RAB11FIP3: variants seen among roughly 807,000 people sequenced by gnomAD.
RAB11FIP3 encodes RAB11 family interacting protein 3.
In RAB11FIP3, 17 loss-of-function variants were observed where a neutral mutation model predicts 77.8. That is an observed-to-expected ratio of 0.22 (90% confidence interval 0.15 to 0.33). The LOEUF is 0.33. Ranked by LOEUF, RAB11FIP3 falls within the 10% of genes least tolerant of loss-of-function variation. RAB11FIP3 has a pLI of 1.00. For synonymous variants in RAB11FIP3, 437 were observed against 448.2 expected (o/e 0.98, Z 0.31); for missense variants, 1,005 against 1,011.2 (o/e 0.99, Z 0.08).
chr16:440,429 C>T (rs2055206504), intron 1 of RAB11FIP3, among the ~76,000 whole-genome samples: 1 of 152,218 alleles, frequency 6.6e-6, no homozygotes, highest in Non-Finnish European at 1.5e-5. Context: ...CCTCGCTCAG[C>T]CCCTCTGCTG....
At chr16:483,072 T>C (rs2056079426) in intron 4 of RAB11FIP3, among the ~76,000 whole-genome samples, 1 of 152,170 alleles carries the variant, frequency 6.6e-6, no homozygotes, top group Non-Finnish European at 1.5e-5. Flanking sequence ...GCAGCACCCC[T>C]GAGGAGGCCA....
At chr16:449,888 T>G (rs2055378800) in intron 1 of RAB11FIP3, among the ~76,000 whole-genome samples, 1 of 151,110 alleles carries the variant, frequency 6.6e-6, no homozygotes, top group African/African-American at 2.4e-5. Context: ...GAAGCAGAGG[T>G]TGCAGTGAGC....
rs1412782934 is a variant in RAB11FIP3 at position 494,048 on chromosome 16, C to T, written c.1266-2776C>T. On this transcript the variant is annotated intron_variant, in intron 5 of 13. Coordinates refer to ENST00000262305, the MANE Select transcript of RAB11FIP3 (RefSeq NM_014700.4). ...CCTCCCGAGTAGCTGGGACTACAGG[C>T]GCCCATCACCACACCTGGCTAACTT... 1.8e-4 allele frequency among the ~76,000 whole-genome samples: 16 copies of T among 89,880 alleles called. No individual in the cohort carries two copies. The East Asian group carries it at 2.8e-3, about 16-fold the overall frequency. The allele number at this position is 89,880 out of a possible 152,430, so 59.0% of individuals were successfully genotyped here. A position where few individuals can be genotyped will look rare whatever the true frequency, so the allele number is the denominator to read the frequency against.
chr16:510,608 C>A, intron 8 of RAB11FIP3, 52 bp from the exon 9 acceptor site: 1 of 1,529,716 alleles, frequency 6.5e-7, no homozygotes, highest in Non-Finnish European at 8.8e-7. Context: ...ATGGGTGGAG[C>A]CACTGCACAC....
chr16:445,173 A>G (rs894077079), intron 1 of RAB11FIP3, among the ~76,000 whole-genome samples: 3 of 147,390 alleles, frequency 2.0e-5, no homozygotes, highest in Non-Finnish European at 4.5e-5. Flanking sequence ...TGGCTCACAC[A>G]TGTAATCCAA....
intron 5 of RAB11FIP3, 86 bp from the exon 6 acceptor site, chr16:496,738 T>C: frequency 7.4e-7 from 1 of 1,344,738 alleles, no homozygotes; most frequent in African/African-American, 1.8e-5. Context: ...GCCCACCTCG[T>C]ATCTCCACAG....
chr16:474,600 C>T (rs977451235), intron 3 of RAB11FIP3, among the ~76,000 whole-genome samples: 4 of 152,136 alleles, frequency 2.6e-5, no homozygotes, highest in Non-Finnish European at 5.9e-5. Flanking sequence ...AGGCGCATCT[C>T]ACAGAATCGT....
Position 486,845 on chromosome 16 carries a change from C to T in RAB11FIP3, c.1116-2006C>T, listed in dbSNP as rs115912880. Among the ~76,000 whole-genome samples the T allele has an allele frequency of 4.5e-3, 691 of 152,360 alleles. 6 individuals carry two copies. The highest frequency in any genetic ancestry group is 0.015 in the African/African-American group (626 of 41,592). On this transcript the variant is annotated intron_variant, in intron 4 of 13. Transcript: ENST00000262305. Reference sequence around the variant, plus strand: ...GCCCGGGGAGGCGGGGAAGGGCCTGCTGGCCGATGGACCAGTGTGTGTTTT... The same window carrying T: ...GCCCGGGGAGGCGGGGAAGGGCCTGTTGGCCGATGGACCAGTGTGTGTTTT...
intron 5 of RAB11FIP3, chr16:491,074 A>C (rs1319833888): frequency 7.9e-7 from 1 of 1,259,744 alleles, no homozygotes; most frequent in African/African-American, 1.5e-5. Context: ...CCTCGTGCGG[A>C]GTCACAGATG....
chr16:491,140 C>T (rs1162332033), intron 5 of RAB11FIP3: 2 of 1,302,030 alleles, frequency 1.5e-6, no homozygotes, highest in Non-Finnish European at 2.0e-6. Flanking sequence ...CTAGCACTGA[C>T]CCTCTTGCCG....
intron 9 of RAB11FIP3, among the ~76,000 whole-genome samples, chr16:513,161 A>C (rs370195579): frequency 6.6e-6 from 1 of 152,200 alleles, no homozygotes; most frequent in African/African-American, 2.4e-5. Context: ...AGAGTTCTCT[A>C]TCCTTCTTGT....
intron 9 of RAB11FIP3, among the ~76,000 whole-genome samples, chr16:511,667 G>A (rs2032176931): frequency 8.4e-6 from 1 of 118,740 alleles, no homozygotes; most frequent in Non-Finnish European, 1.7e-5. Context: ...AGAAACTGCA[G>A]GCCAGGCAGG....
At chr16:517,265 G>A (rs141473872) in intron 9 of RAB11FIP3, among the ~76,000 whole-genome samples, 1 of 152,166 alleles carries the variant, frequency 6.6e-6, no homozygotes, top group East Asian at 1.9e-4. Flanking sequence ...ACCAGGGGAC[G>A]GAGGAGACAA....
At chr16:484,637 G>A (rs1438259492) in intron 4 of RAB11FIP3, among the ~76,000 whole-genome samples, 1 of 152,230 alleles carries the variant, frequency 6.6e-6, no homozygotes, top group Non-Finnish European at 1.5e-5. Flanking sequence ...AGAGGTGTGA[G>A]CCACCGCGTC....
Position 471,152 on chromosome 16 carries a change from C to G in RAB11FIP3, c.809-143C>G. 12 of 658,938 alleles carry G rather than the reference C, an allele frequency of 1.8e-5. No homozygotes were observed. The South Asian group carries it at 2.1e-4, about 12-fold the overall frequency. The allele number at this position is 658,938 out of a possible 1,614,324, so 40.8% of individuals were successfully genotyped here. On this transcript the variant is annotated intron_variant, in intron 2 of 13. Coordinates refer to ENST00000262305, the MANE Select transcript of RAB11FIP3 (RefSeq NM_014700.4). The surrounding 1 kb of genome is among the most constrained non-coding windows in gnomAD (Gnocchi z 4.4). Reference sequence around the variant, plus strand: ...TGGATTTCTCATGCTCACTCCCTTGCTTGTCTTGACCCCCCCCAGGGCCCC... The same window carrying G: ...TGGATTTCTCATGCTCACTCCCTTGGTTGTCTTGACCCCCCCCAGGGCCCC...
In RAB11FIP3 at chr16:510,751, T is replaced by C; in HGVS notation, c.1591T>C (p.Cys531Arg). Residue 531 changes from cysteine (C) to arginine (R), a missense_variant, in exon 9 of 14, where the codon TGC becomes CGC. Transcript: ENST00000262305. ...GACCCGGCGTCAGAAGGAGCTCCTG[T>C]GCAAGATGGAGAGGGAGAAGAGCAT... ...EETRRQKELL[C>R]KMEREKSIEI... 6.2e-7 allele frequency: 1 copy of C among 1,613,330 alleles called. No individual in the cohort carries two copies. The highest frequency in any genetic ancestry group is 8.5e-7 in the Non-Finnish European group (1 of 1,179,854).
chr16:461,725 A>G lies in RAB11FIP3; in HGVS notation c.808+228A>G, dbSNP rs2055610100. On this transcript the variant is annotated intron_variant, in intron 2 of 13. Coordinates refer to ENST00000262305, the MANE Select transcript of RAB11FIP3 (RefSeq NM_014700.4). The surrounding 1 kb of genome is among the most constrained non-coding windows in gnomAD (Gnocchi z 4.5). Reference sequence around the variant, plus strand: ...GCGTTAACTACTTTTCCATAATGCTAGAAAGCAACTGCCCCCTTCCTCAAA... The same window carrying G: ...GCGTTAACTACTTTTCCATAATGCTGGAAAGCAACTGCCCCCTTCCTCAAA... 6.6e-6 allele frequency among the ~76,000 whole-genome samples: 1 copy of G among 152,196 alleles called. No individual in the cohort carries two copies.
intron 5 of RAB11FIP3, among the ~76,000 whole-genome samples, chr16:496,032 G>A (rs1185244679): frequency 6.6e-6 from 1 of 152,204 alleles, no homozygotes; most frequent in Admixed American, 6.5e-5. Context: ...TTGTAGGCAT[G>A]AGCCACCACG....
At chr16:473,846 T>C (rs1418284093) in intron 3 of RAB11FIP3, among the ~76,000 whole-genome samples, 1 of 152,168 alleles carries the variant, frequency 6.6e-6, no homozygotes, top group Non-Finnish European at 1.5e-5. Context: ...GTCGATTCAG[T>C]GCCGGCTCAT....
Sources: gnomAD v4.1 joint callset for allele counts (sites outside exome capture counted in the v4.1 genomes callset) on GRCh38, gnomAD v4.1.1 for gene constraint, Gnocchi (gnomAD v3.1) non-coding constraint, MANE v1.5 for transcripts, NCBI Gene and HGNC (gene_info 2026-07-23, HGNC 2026-07-21) for gene names.